Variants in MIPOL1 observed in about 807,000 individuals in gnomAD.
MIPOL1 encodes mirror-image polydactyly 1.
A neutral mutation model predicts 60.9 loss-of-function variants in MIPOL1; 57 were observed. The observed-to-expected ratio is 0.94, with a 90% confidence interval of 0.76 to 1.17. The LOEUF (loss-of-function observed/expected upper bound fraction) is 1.17. Ranked by LOEUF, MIPOL1 falls within the 50% of genes most tolerant of loss-of-function variation. MIPOL1 has a pLI of 0.00. For missense variants in MIPOL1, 551 were observed against 511.6 expected, an observed-to-expected ratio of 1.08 and a Z score of -0.74; for synonymous variants, 179 against 168.8, an observed-to-expected ratio of 1.06 and a Z score of -0.47.
chr14:37,299,430 A>T (rs1227402139), intron 7 of MIPOL1, among the ~76,000 whole-genome samples: 2 of 146,130 alleles, frequency 1.4e-5, no homozygotes, highest in Non-Finnish European at 3.0e-5. Flanking sequence ...CCTAAAACTT[A>T]AAGTATAATA....
At chr14:37,233,800 C>G (rs1046646212) in intron 1 of MIPOL1, among the ~76,000 whole-genome samples, 1 of 152,208 alleles carries the variant, frequency 6.6e-6, no homozygotes, top group East Asian at 1.9e-4. Flanking sequence ...CTAACTTTCT[C>G]AAAACACTTT....
chr14:37,370,025 T>C (rs2092596926), intron 10 of MIPOL1: 1 of 152,382 alleles, frequency 6.6e-6, no homozygotes, highest in African/African-American at 2.4e-5. Flanking sequence ...GAACTGACAG[T>C]CCTTGAAGAA....
At chr14:37,291,609 G>T (rs2085062530) in intron 7 of MIPOL1, among the ~76,000 whole-genome samples, 1 of 151,768 alleles carries the variant, frequency 6.6e-6, no homozygotes, top group Non-Finnish European at 1.5e-5. Context: ...TTTCCCTTGT[G>T]TCTTATTTCA....
intron 10 of MIPOL1, 90 bp from the exon 11 acceptor site, chr14:37,422,765 A>G (rs775517447): frequency 8.7e-5 from 66 of 759,054 alleles, no homozygotes; most frequent in Non-Finnish European, 1.3e-4. Flanking sequence ...TTTAACTGTC[A>G]GTAATTTAAG....
intron 11 of MIPOL1, among the ~76,000 whole-genome samples, chr14:37,496,707 G>A (rs1010680354): frequency 4.6e-5 from 7 of 151,976 alleles, no homozygotes; most frequent in South Asian, 2.1e-4. Context: ...AATCAATATC[G>A]TGAAAATGGC....
intron 11 of MIPOL1, among the ~76,000 whole-genome samples, chr14:37,483,144 G>T (rs540650729): frequency 1.6e-4 from 22 of 138,520 alleles, no homozygotes; most frequent in African/African-American, 5.0e-4. Context: ...ACCAAGTCTC[G>T]TTCTGTTGCC....
chr14:37,327,253 C>T (rs1253725098), intron 9 of MIPOL1, among the ~76,000 whole-genome samples: 2 of 151,924 alleles, frequency 1.3e-5, no homozygotes, highest in Non-Finnish European at 2.9e-5. Flanking sequence ...GATTAGCATG[C>T]AGTATCCCAC....
chr14:37,547,195 G>T lies in MIPOL1; in HGVS notation c.*224G>T. 2.1e-6 allele frequency: 1 copy of T among 485,348 alleles called. No homozygotes were observed. Among genetic ancestry groups the T allele is most frequent in the Admixed American group, 3.7e-5 (1 of 26,968 alleles). 30.1% of individuals were successfully genotyped at this position (485,348 alleles called of 1,614,324 possible). A position where few individuals can be genotyped will look rare whatever the true frequency, so the allele number is the denominator to read the frequency against. ...ATATTAACTATAGACTTTTACCAAT[G>T]GGTAGCTATAAGGTTACAGCTTATT... On this transcript the variant is annotated 3_prime_UTR_variant, in exon 13 of 13. Transcript: ENST00000684589.
intron 3 of MIPOL1, among the ~76,000 whole-genome samples, chr14:37,249,368 A>G (rs1420993544): frequency 6.6e-6 from 1 of 152,006 alleles, no homozygotes; most frequent in East Asian, 1.9e-4. Flanking sequence ...TTCTATAATC[A>G]TTGTACTGAA....
intron 11 of MIPOL1, among the ~76,000 whole-genome samples, chr14:37,499,501 C>T (rs2095183653): frequency 6.6e-6 from 1 of 152,110 alleles, no homozygotes; most frequent in African/African-American, 2.4e-5. Flanking sequence ...TCATTAAGTG[C>T]TTGGCAGAAT....
At chr14:37,218,292 C>T (rs760990268) in intron 1 of MIPOL1, among the ~76,000 whole-genome samples, 3 of 152,010 alleles carry the variant, frequency 2.0e-5, no homozygotes, top group East Asian at 1.9e-4. Context: ...GCAATTCTCA[C>T]GTCTCAGCCT....
intron 9 of MIPOL1, among the ~76,000 whole-genome samples, chr14:37,349,872 G>A (rs1032089491): frequency 1.3e-5 from 2 of 152,174 alleles, no homozygotes; most frequent in Admixed American, 6.5e-5. Flanking sequence ...AACAGTCATT[G>A]CTTAATATTG....
chr14:37,329,568 A>G (rs1482794832), intron 9 of MIPOL1, among the ~76,000 whole-genome samples: 4 of 152,168 alleles, frequency 2.6e-5, no homozygotes, highest in African/African-American at 9.6e-5. Context: ...AGCACATATT[A>G]TACAAGAAAA....
chr14:37,421,480 A>G (rs1185535976), intron 10 of MIPOL1, among the ~76,000 whole-genome samples: 6 of 152,120 alleles, frequency 3.9e-5, no homozygotes, highest in Admixed American at 3.3e-4. Flanking sequence ...ATCACATTTT[A>G]TGGTATACTG....
At chr14:37,428,114 C>A (rs2093997045) in intron 11 of MIPOL1, among the ~76,000 whole-genome samples, 1 of 152,082 alleles carries the variant, frequency 6.6e-6, no homozygotes, top group Non-Finnish European at 1.5e-5. Flanking sequence ...AGGATTAGGA[C>A]AGGTAGCTAG....
chr14:37,348,970 T>G (rs1485111871), intron 9 of MIPOL1, among the ~76,000 whole-genome samples: 1 of 143,968 alleles, frequency 6.9e-6, no homozygotes, highest in Middle Eastern at 3.6e-3. Context: ...GGTGCCACCA[T>G]GCCCAGCTAA....
chr14:37,451,987 T>C (rs1033998727), intron 11 of MIPOL1, among the ~76,000 whole-genome samples: 1 of 151,020 alleles, frequency 6.6e-6, no homozygotes, highest in Admixed American at 6.6e-5. Flanking sequence ...GCTAATTTTT[T>C]TGTATTTTTA....
intron 12 of MIPOL1, among the ~76,000 whole-genome samples, chr14:37,543,268 T>C (rs996187806): frequency 1.3e-5 from 2 of 152,020 alleles, no homozygotes; most frequent in East Asian, 3.8e-4. Flanking sequence ...TTTATTTTTA[T>C]TTTTAGTTAT....
intron 10 of MIPOL1, 45 bp from the exon 11 acceptor site, chr14:37,422,810 T>C (rs1566576126): frequency 1.5e-6 from 2 of 1,307,064 alleles, no homozygotes; most frequent in East Asian, 2.5e-5. Context: ...TATTTTATCA[T>C]ACCAAAATGA....
Sources: gnomAD v4.1 joint callset for allele counts (sites outside exome capture counted in the v4.1 genomes callset) on GRCh38, gnomAD v4.1.1 for gene constraint, MANE v1.5 for transcripts, NCBI Gene and HGNC (gene_info 2026-07-23, HGNC 2026-07-21) for gene names.